The following PCDHA1 variants were observed in gnomAD, a reference collection of about 807,000 sequenced individuals.
The protein encoded by PCDHA1 is protocadherin alpha-1.
In PCDHA1, 42 loss-of-function variants were observed where a neutral mutation model predicts 61.3. That is an observed-to-expected ratio of 0.69 (90% CI 0.54 to 0.89). PCDHA1 has a LOEUF of 0.89. Among genes scored for constraint, PCDHA1 ranks in the 40% least tolerant of loss-of-function variants. The probability of loss-of-function intolerance (pLI) is 0.00; values close to 1 mark genes in which losing one functional copy is unlikely to be tolerated. For synonymous variants in PCDHA1, 610 were observed against 553.8 expected (o/e 1.10, Z -1.43); for missense variants, 1,256 against 1,235.3 (o/e 1.02, Z -0.25).
rs1762840113 is a variant in PCDHA1, at chr5:140,802,056, G to A, written c.2394+13372G>A. On this transcript the variant is annotated intron_variant, in intron 1 of 3. Coordinates refer to ENST00000504120, the MANE Select transcript of PCDHA1 (RefSeq NM_018900.4). ...GTATTCTTTCAATACGGACATGTCAGCAGATATTCTGTCAAAATTCCATTT... is the reference window on the plus strand; with the variant it reads ...GTATTCTTTCAATACGGACATGTCAACAGATATTCTGTCAAAATTCCATTT... 3 of 1,614,050 alleles carry A rather than the reference G, an allele frequency of 1.9e-6. No homozygotes were observed. Among genetic ancestry groups the A allele is most frequent in the Non-Finnish European group, 1.7e-6 (2 of 1,180,044 alleles).
At chr5:140,876,956 T>A in intron 1 of PCDHA1, 1 of 1,613,342 alleles carries the variant, frequency 6.2e-7, no homozygotes, top group Non-Finnish European at 8.5e-7. Flanking sequence ...TACTCGCTGG[T>A]GGAGCGGCGG....
At chr5:140,812,222 T>G (rs1554125926) in intron 1 of PCDHA1, 1 of 152,036 alleles carries the variant, frequency 6.6e-6, no homozygotes, top group Non-Finnish European at 1.5e-5. Flanking sequence ...TTTAGATTTT[T>G]TATGATTATG....
chr5:140,796,758 C>G, intron 1 of PCDHA1: 1 of 1,614,136 alleles, frequency 6.2e-7, no homozygotes, highest in Non-Finnish European at 8.5e-7. Flanking sequence ...GCGCAGTGGA[C>G]GCTGACTCAG....
At chr5:140,854,853 C>T (rs1441066752) in intron 1 of PCDHA1, among the ~76,000 whole-genome samples, 1 of 149,620 alleles carries the variant, frequency 6.7e-6, no homozygotes, top group East Asian at 1.9e-4. Flanking sequence ...GATAAAATTA[C>T]TAGATATATT....
rs190994194 is a variant in PCDHA1, at chr5:140,913,276, C to T, written c.2395-65673C>T. On this transcript the variant is annotated intron_variant, in intron 1 of 3. Transcript: ENST00000504120. ...TTTGATCTAATTACTTGTTATTGGTCTGTTTAGGTTTTAATTTCTTCATAG... is the reference window on the plus strand; with the variant it reads ...TTTGATCTAATTACTTGTTATTGGTTTGTTTAGGTTTTAATTTCTTCATAG... Among the ~76,000 whole-genome samples, 291 of 152,186 alleles carry T rather than the reference C, an allele frequency of 1.9e-3. 1 individual carries two copies. The highest frequency in any genetic ancestry group is 0.01 in the Middle Eastern group (3 of 294).
chr5:140,975,752 A>G (rs577986836), intron 1 of PCDHA1, among the ~76,000 whole-genome samples: 2 of 152,320 alleles, frequency 1.3e-5, no homozygotes, highest in East Asian at 1.9e-4. Flanking sequence ...CAAATATTCT[A>G]TGTCATAAAT....
chr5:140,793,221 T>G (rs1326587863), intron 1 of PCDHA1, among the ~76,000 whole-genome samples: 1 of 152,222 alleles, frequency 6.6e-6, no homozygotes, highest in Non-Finnish European at 1.5e-5. Flanking sequence ...GAGAAGAAGT[T>G]CAGCAGGGGA....
intron 1 of PCDHA1, among the ~76,000 whole-genome samples, chr5:140,964,743 T>C (rs1373954630): frequency 6.7e-6 from 1 of 150,048 alleles, no homozygotes; most frequent in Non-Finnish European, 1.5e-5. Flanking sequence ...ACAGAATTAT[T>C]GTAGGGATGT....
chr5:140,913,807 C>A (rs2076472600), intron 1 of PCDHA1, among the ~76,000 whole-genome samples: 1 of 152,068 alleles, frequency 6.6e-6, no homozygotes, highest in African/African-American at 2.4e-5. Flanking sequence ...ATCAAATTTT[C>A]AATTTCCTTT....
At chr5:140,828,051 CG>C in intron 1 of PCDHA1, 1 of 1,545,276 alleles carries the variant, frequency 6.5e-7, no homozygotes, top group East Asian at 2.3e-5. Flanking sequence ...TATCTTTATG[CG>C]GAAGATCTTC....
intron 1 of PCDHA1, among the ~76,000 whole-genome samples, chr5:140,963,839 G>A (rs566875036): frequency 1.3e-5 from 2 of 152,290 alleles, no homozygotes; most frequent in African/African-American, 2.4e-5. Flanking sequence ...ATTTTCTCAT[G>A]TAATCATAAT....
intron 1 of PCDHA1, chr5:140,868,367 A>G (rs1172492575): frequency 6.6e-6 from 1 of 152,208 alleles, no homozygotes; most frequent in East Asian, 1.9e-4. Flanking sequence ...AAATGTAAAT[A>G]ACAGTAAAGA....
Position 140,969,197 on chromosome 5 carries a change from A to G in PCDHA1, c.2395-9752A>G, listed in dbSNP as rs782342139. 4 of 1,614,132 alleles carry G rather than the reference A, an allele frequency of 2.5e-6. No individual in the cohort carries two copies. In the South Asian group the frequency reaches 4.4e-5, roughly 18 times the overall value. On this transcript the variant is annotated intron_variant, in intron 1 of 3. Coordinates refer to ENST00000504120, the MANE Select transcript of PCDHA1 (RefSeq NM_018900.4). ...GAGTGACACTTTCATGTTTTACAAT[A>G]CAGGGGCCCAGACAGGACCAGGGCC...
At chr5:140,823,362 G>A in intron 1 of PCDHA1, 1 of 1,612,752 alleles carries the variant, frequency 6.2e-7, no homozygotes, top group South Asian at 1.1e-5. Flanking sequence ...AAGTGGAGCT[G>A]CTGCAGTTCC....
chr5:140,927,495 G>C (rs111935715), intron 1 of PCDHA1: 2 of 1,614,128 alleles, frequency 1.2e-6, no homozygotes, highest in African/African-American at 1.3e-5. Context: ...CCCACCTGCT[G>C]GTGCTTACAG....
rs78166744 is a variant in PCDHA1, at chr5:140,875,394, G to A, written c.2394+86710G>A. Reference sequence around the variant, plus strand: ...TACTAAATATGTACTTACAGAAAAGGGTGACTGCTCATAAAATACCTCAGG... The same window carrying A: ...TACTAAATATGTACTTACAGAAAAGAGTGACTGCTCATAAAATACCTCAGG... On this transcript the variant is annotated intron_variant, in intron 1 of 3. Coordinates refer to ENST00000504120, the MANE Select transcript of PCDHA1 (RefSeq NM_018900.4). The A allele has an allele frequency of 1.4e-3, 2,104 of 1,476,976 alleles. 18 individuals carry two copies. The African/African-American group carries it at 0.02, about 14-fold the overall frequency. The allele number at this position is 1,476,976 out of a possible 1,614,324, so 91.5% of individuals were successfully genotyped here.
chr5:140,800,679 T>C (rs1033813866), intron 1 of PCDHA1, among the ~76,000 whole-genome samples: 62 of 152,314 alleles, frequency 4.1e-4, no homozygotes, highest in African/African-American at 1.5e-3. Context: ...GCGAATAATA[T>C]TAAAACTTAT....
At chr5:140,821,231 G>A (rs887712288) in intron 1 of PCDHA1, among the ~76,000 whole-genome samples, 1 of 152,070 alleles carries the variant, frequency 6.6e-6, no homozygotes, top group Admixed American at 6.5e-5. Flanking sequence ...ATAGAGATGA[G>A]AAAAGTCAAA....
intron 1 of PCDHA1, among the ~76,000 whole-genome samples, chr5:140,925,390 G>A (rs968466600): frequency 6.6e-6 from 1 of 152,032 alleles, no homozygotes; most frequent in Non-Finnish European, 1.5e-5. Flanking sequence ...GTCTCCTTTT[G>A]GCTCGCCTCC....
Sources: gnomAD v4.1 joint callset for allele counts (sites outside exome capture counted in the v4.1 genomes callset) on GRCh38, gnomAD v4.1.1 for gene constraint, MANE v1.5 for transcripts, NCBI Gene and HGNC (gene_info 2026-07-23, HGNC 2026-07-21) for gene names.